The following DCLK2 variants were observed in gnomAD, a reference collection of about 807,000 sequenced individuals.
DCLK2 encodes the protein doublecortin like kinase 2.
In DCLK2, 31 loss-of-function variants were observed where a neutral mutation model predicts 78.4. The observed-to-expected ratio is 0.40, with a 90% CI of 0.30 to 0.53. The LOEUF (loss-of-function observed/expected upper bound fraction) is 0.53, where lower values mean the gene tolerates loss of function less well. DCLK2 is among the 20% of genes least tolerant of loss of function. The pLI, the probability that DCLK2 is intolerant of heterozygous loss-of-function variation, is 0.61. For missense variants in DCLK2, 872 were observed against 973.7 expected, an observed-to-expected ratio of 0.90 and a Z score of 1.39; for synonymous variants, 407 against 374.9, an observed-to-expected ratio of 1.09 and a Z score of -0.99.
chr4:150,226,981 G>T (rs1741670068), intron 8 of DCLK2, among the ~76,000 whole-genome samples: 1 of 152,138 alleles, frequency 6.6e-6, no homozygotes, highest in South Asian at 2.1e-4. Flanking sequence ...TCTGCTATTT[G>T]TTAAAATGTA....
chr4:150,175,011 A>AAAAT lies in DCLK2; in HGVS notation c.757-18126_757-18125insAATA, dbSNP rs1454035697. ...AGACTCCGTCGCAAAAAAAAAAAAA[A>AAAAT]ATATATATATATATATATATATTTA... On this transcript the variant is annotated intron_variant, in intron 2 of 15. Coordinates refer to ENST00000296550, the MANE Select transcript of DCLK2 (RefSeq NM_001040260.4). Among the ~76,000 whole-genome samples, 7 of 9,976 alleles carry AAAAT rather than the reference A, an allele frequency of 7.0e-4. 1 individual carries two copies. The highest frequency in any genetic ancestry group is 1.6e-3 in the African/African-American group (6 of 3,794). 6.5% of individuals were successfully genotyped at this position (9,976 alleles called of 152,430 possible).
chr4:150,092,645 G>A (rs903012182), intron 1 of DCLK2, among the ~76,000 whole-genome samples: 1 of 151,890 alleles, frequency 6.6e-6, no homozygotes, highest in African/African-American at 2.4e-5. Flanking sequence ...TCTGTTTTGG[G>A]GTTTTTGTCC....
chr4:150,098,844 C>T (rs924097354), intron 1 of DCLK2, among the ~76,000 whole-genome samples: 4 of 151,576 alleles, frequency 2.6e-5, no homozygotes, highest in African/African-American at 4.9e-5. Context: ...TACAGGCGCC[C>T]GCCACCACAC....
intron 1 of DCLK2, among the ~76,000 whole-genome samples, chr4:150,080,327 A>G (rs1310720803): frequency 6.6e-6 from 1 of 152,226 alleles, no homozygotes; most frequent in Non-Finnish European, 1.5e-5. Context: ...TGCCTCGGTC[A>G]AAGAGACTGC....
intron 5 of DCLK2, 47 bp from the exon 6 acceptor site, chr4:150,220,656 G>A: frequency 6.7e-7 from 1 of 1,496,810 alleles, no homozygotes; most frequent in Middle Eastern, 1.7e-4. Context: ...AGTTAGCTAG[G>A]GATTTGTAAA....
At chr4:150,203,755 T>C (rs761792410) in intron 4 of DCLK2, 40 bp from the exon 5 acceptor site, 1 of 1,541,532 alleles carries the variant, frequency 6.5e-7, no homozygotes, top group Non-Finnish European at 9.0e-7. Flanking sequence ...TGTTGTGGGT[T>C]TTAATGGGAC....
At chr4:150,133,384 A>G (rs191744786) in intron 2 of DCLK2, among the ~76,000 whole-genome samples, 14 of 152,332 alleles carry the variant, frequency 9.2e-5, no homozygotes, top group African/African-American at 3.4e-4. Context: ...TTAAAGATAA[A>G]TTTTAGCAAG....
chr4:150,133,819 A>G (rs576615628), intron 2 of DCLK2, among the ~76,000 whole-genome samples: 1 of 152,236 alleles, frequency 6.6e-6, no homozygotes, highest in South Asian at 2.1e-4. Context: ...TTCATGAGTC[A>G]TGTAAACAAG....
Position 150,082,464 on chromosome 4 carries a change from C to T in DCLK2, c.421+3016C>T, listed in dbSNP as rs150771045. 2.6e-3 allele frequency among the ~76,000 whole-genome samples: 393 copies of T among 152,260 alleles called. 3 individuals carry two copies. The highest frequency in any genetic ancestry group is 8.9e-3 in the African/African-American group (370 of 41,550). On this transcript the variant is annotated intron_variant, in intron 1 of 15. Coordinates refer to ENST00000296550, the MANE Select transcript of DCLK2 (RefSeq NM_001040260.4). ...ATGGCCCAAATTATTTTTTCTTCTG[C>T]CCTTGACCTTGAGAGTCTCTGGAGA...
At position 150,145,226 on chromosome 4, in the gene DCLK2, C is replaced by G. The variant is rs190985285; in HGVS notation, c.756+42414C>G. Reference sequence around the variant, plus strand: ...GGAATGGTGACTCTTGACTTTCACTCTCTCCCTGGGGTTGCCTTTGATTTC... The same window carrying G: ...GGAATGGTGACTCTTGACTTTCACTGTCTCCCTGGGGTTGCCTTTGATTTC... On this transcript the variant is annotated intron_variant, in intron 2 of 15. Transcript: ENST00000296550. Among the ~76,000 whole-genome samples, 63 of 152,238 alleles carry G rather than the reference C, an allele frequency of 4.1e-4. No homozygotes were observed. The East Asian group carries it at 9.7e-3, about 23-fold the overall frequency.
intron 2 of DCLK2, among the ~76,000 whole-genome samples, chr4:150,147,686 C>A (rs1213467903): frequency 6.6e-6 from 1 of 152,128 alleles, no homozygotes. Flanking sequence ...AAAGAAACAC[C>A]TGGACTTCAT....
At chr4:150,243,946 T>G (rs994390599) in intron 12 of DCLK2, among the ~76,000 whole-genome samples, 1 of 151,894 alleles carries the variant, frequency 6.6e-6, no homozygotes, top group Admixed American at 6.6e-5. Context: ...TTTTTTTAAT[T>G]TATTTTTTAA....
intron 10 of DCLK2, among the ~76,000 whole-genome samples, chr4:150,236,945 A>G (rs1742555972): frequency 6.6e-6 from 1 of 152,202 alleles, no homozygotes; most frequent in South Asian, 2.1e-4. Context: ...AGAGGATGTG[A>G]AAAACAGGAC....
chr4:150,155,755 C>T (rs1163723123), intron 2 of DCLK2, among the ~76,000 whole-genome samples: 1 of 152,038 alleles, frequency 6.6e-6, no homozygotes, highest in South Asian at 2.1e-4. Flanking sequence ...AGTTTTTACC[C>T]TAGGAGCAAT....
At chr4:150,232,937 T>G (rs1742196096) in intron 10 of DCLK2, 109 bp downstream of exon 10, 1 of 1,366,212 alleles carries the variant, frequency 7.3e-7, no homozygotes, top group Non-Finnish European at 9.9e-7. Flanking sequence ...ATTATGAGAC[T>G]TTAAATTTAG....
intron 2 of DCLK2, among the ~76,000 whole-genome samples, chr4:150,144,023 T>G (rs1734286719): frequency 6.6e-6 from 1 of 152,222 alleles, no homozygotes; most frequent in African/African-American, 2.4e-5. Context: ...TCTCTTTTGC[T>G]GTGCAGAAGC....
At position 150,181,794 on chromosome 4, in the gene DCLK2, C is replaced by G. The variant is rs1020714404; in HGVS notation, c.757-11344C>G. ...CAGGAAGCTGAAAAACATTGCTATT[C>G]TAAGTAGCTTTCTTCTTCCTGTAGA... On this transcript the variant is annotated intron_variant, in intron 2 of 15. Coordinates refer to ENST00000296550, the MANE Select transcript of DCLK2 (RefSeq NM_001040260.4). 8.5e-5 allele frequency among the ~76,000 whole-genome samples: 13 copies of G among 152,188 alleles called. No individual in the cohort carries two copies. In the South Asian group the frequency reaches 2.1e-3, roughly 24 times the overall value.
intron 15 of DCLK2, 45 bp downstream of exon 15, chr4:150,249,729 T>TG: frequency 6.7e-7 from 1 of 1,503,288 alleles, no homozygotes; most frequent in Non-Finnish European, 9.3e-7. Context: ...GAGCCGGCCT[T>TG]GAAGTTTTTG....
At chr4:150,192,055 G>T (rs772710283) in intron 2 of DCLK2, among the ~76,000 whole-genome samples, 1 of 152,140 alleles carries the variant, frequency 6.6e-6, no homozygotes, top group Non-Finnish European at 1.5e-5. Flanking sequence ...GCCTATCTAT[G>T]TTCAAAGTCC....
Sources: allele counts gnomAD v4.1 joint callset (sites outside exome capture counted in the v4.1 genomes callset), GRCh38; gene constraint gnomAD v4.1.1; transcripts MANE v1.5; gene names NCBI Gene and HGNC (gene_info 2026-07-23, HGNC 2026-07-21).